Variants in ZNF354C observed in about 807,000 individuals in gnomAD.
ZNF354C encodes zinc finger protein 354C.
A neutral mutation model predicts 12.4 loss-of-function variants in ZNF354C; 7 were observed. The ratio of observed to expected loss-of-function variants is 0.56; its 90% CI spans 0.32 to 1.06. The LOEUF (loss-of-function observed/expected upper bound fraction) is 1.06, where lower values mean the gene tolerates loss of function less well. Ranked by LOEUF, ZNF354C falls within the 50% of genes least tolerant of loss-of-function variation. The pLI is 0.04. For missense variants in ZNF354C, 609 were observed against 658.0 expected (o/e 0.93, Z 0.81); for synonymous variants, 202 against 224.5 (o/e 0.90, Z 0.90).
At chr5:179,069,640 T>C (rs1000553549) in intron 2 of ZNF354C, among the ~76,000 whole-genome samples, 5 of 143,480 alleles carry the variant, frequency 3.5e-5, no homozygotes, top group African/African-American at 7.8e-5. Context: ...CCGAGGCGGG[T>C]GGCTCACGAG....
At position 179,082,712 on chromosome 5, in the gene ZNF354C, A is replaced by C; in HGVS notation, c.*2615A>C. On this transcript the variant is annotated 3_prime_UTR_variant, in exon 5 of 5. Transcript: ENST00000315475. ...CAGCTTGACGGATCTTTCTTTCTGCACCAAACCCCATTGAGTTATCTGGTC... is the reference window on the plus strand; with the variant it reads ...CAGCTTGACGGATCTTTCTTTCTGCCCCAAACCCCATTGAGTTATCTGGTC... 6.3e-7 allele frequency: 1 copy of C among 1,586,548 alleles called. No homozygotes were observed. Among genetic ancestry groups the C allele is most frequent in the African/African-American group, 1.4e-5 (1 of 73,936 alleles).
chr5:179,080,161 A>T lies in ZNF354C; in HGVS notation c.*64A>T. ...TAAGGGAATAATAAATAGGGTACAA[A>T]CTCCTAATAGATTTGTCTTTTTTAC... On this transcript the variant is annotated 3_prime_UTR_variant, in exon 5 of 5. Transcript: ENST00000315475. 8.1e-7 allele frequency: 1 copy of T among 1,235,364 alleles called. No individual in the cohort carries two copies. The allele number at this position is 1,235,364 out of a possible 1,614,324, so 76.5% of individuals were successfully genotyped here. A position where few individuals can be genotyped will look rare whatever the true frequency, so the allele number is the denominator to read the frequency against.
intron 2 of ZNF354C, among the ~76,000 whole-genome samples, chr5:179,070,428 C>T (rs1017861725): frequency 2.0e-5 from 3 of 152,182 alleles, no homozygotes; most frequent in Non-Finnish European, 4.4e-5. Context: ...AAAGCAGTAG[C>T]TGTCTTGTGC....
intron 2 of ZNF354C, 108 bp from the exon 3 acceptor site, chr5:179,076,337 A>C (rs4701030): frequency 0.3 from 460,750 of 1,512,644 alleles, 71,259 homozygotes; most frequent in East Asian, 0.38. Flanking sequence ...AGTTGACGTG[A>C]ATTATTAGAA....
At position 179,077,421 on chromosome 5, in the gene ZNF354C, A is replaced by G. The variant is rs540882088; in HGVS notation, c.250+255A>G. 1.2e-4 allele frequency among the ~76,000 whole-genome samples: 18 copies of G among 152,342 alleles called. No homozygotes were observed. The South Asian group carries it at 3.1e-3, about 26-fold the overall frequency. On this transcript the variant is annotated intron_variant, in intron 4 of 4. Coordinates refer to ENST00000315475, the MANE Select transcript of ZNF354C (RefSeq NM_014594.3). ...AGAGAGTAGTTTAGAGTCACCTCGA[A>G]CTAAATCTTTTCACCCAGAATCAAA...
At chr5:179,063,771 C>A (rs1761923516) in intron 2 of ZNF354C, among the ~76,000 whole-genome samples, 1 of 152,210 alleles carries the variant, frequency 6.6e-6, no homozygotes, top group South Asian at 2.1e-4. Context: ...TTGATCCCAA[C>A]AAGACAGTCT....
chr5:179,077,330 A>G (rs1033480698), intron 4 of ZNF354C, among the ~76,000 whole-genome samples, 164 bp downstream of exon 4: 6 of 152,222 alleles, frequency 3.9e-5, no homozygotes, highest in African/African-American at 1.4e-4. Flanking sequence ...ACAATTACCT[A>G]ATTGCAGTTA....
chr5:179,082,724 T>C lies in ZNF354C; in HGVS notation c.*2627T>C. ...TCTTTCTTTCTGCACCAAACCCCAT[T>C]GAGTTATCTGGTCCCCTTGGCTGAC... On this transcript the variant is annotated 3_prime_UTR_variant, in exon 5 of 5. Coordinates refer to ENST00000315475, the MANE Select transcript of ZNF354C (RefSeq NM_014594.3). 1.3e-6 allele frequency: 2 copies of C among 1,551,278 alleles called. No homozygotes were observed. The highest frequency in any genetic ancestry group is 1.8e-6 in the Non-Finnish European group (2 of 1,125,084).
intron 2 of ZNF354C, among the ~76,000 whole-genome samples, chr5:179,068,639 T>C (rs80316659): frequency 4.7e-5 from 7 of 148,610 alleles, no homozygotes; most frequent in Non-Finnish European, 9.0e-5. Context: ...TTTTTTTTTT[T>C]CCTGGAAGTA....
At chr5:179,067,928 G>A (rs866443879) in intron 2 of ZNF354C, among the ~76,000 whole-genome samples, 3 of 152,168 alleles carry the variant, frequency 2.0e-5, no homozygotes, top group Admixed American at 6.5e-5. Flanking sequence ...GGGAAGCTAA[G>A]GTGGAGGAAT....
chr5:179,069,862 TCTC>T (rs1762025736), intron 2 of ZNF354C, among the ~76,000 whole-genome samples: 6 of 152,158 alleles, frequency 3.9e-5, no homozygotes, highest in Non-Finnish European at 8.8e-5. Flanking sequence ...CAAGACTCTG[TCTC>T]AAAAACAAAC....
intron 2 of ZNF354C, among the ~76,000 whole-genome samples, chr5:179,069,813 C>T (rs1233612626): frequency 3.3e-5 from 5 of 151,118 alleles, no homozygotes; most frequent in African/African-American, 1.2e-4. Context: ...TTGCAGTGAG[C>T]CGAGATTGCG....
In ZNF354C at chr5:179,079,999, C is replaced by T. The variant is rs1762201592; in HGVS notation, c.1567C>T (p.Leu523Phe). Residue 523 changes from leucine to phenylalanine, a missense_variant, in exon 5 of 5, where the codon CTC (leucine) becomes TTC (phenylalanine). Physicochemically the swap from Leu to Phe is conservative, Grantham distance 22. Coordinates refer to ENST00000315475, the MANE Select transcript of ZNF354C (RefSeq NM_014594.3). The surrounding 1 kb of genome is among the most constrained non-coding windows in gnomAD (Gnocchi z 4.2). ...CAAAAAAGTTCACACGAAAGAGAAACTCTATAAGTGGAAGGAATATGGGAA... is the reference window on the plus strand; with the variant it reads ...CAAAAAAGTTCACACGAAAGAGAAATTCTATAAGTGGAAGGAATATGGGAA... ...RHKKVHTKEK[L>F]YKWKEYGKPF... 3.7e-6 allele frequency: 6 copies of T among 1,613,960 alleles called. No individual in the cohort carries two copies. The highest frequency in any genetic ancestry group is 5.1e-6 in the Non-Finnish European group (6 of 1,179,932).
chr5:179,079,612 AC>A lies in ZNF354C; in HGVS notation c.1181del (p.Thr394AsnfsTer4). On this transcript the variant is annotated frameshift_variant, in exon 5 of 5. Coordinates refer to ENST00000315475, the MANE Select transcript of ZNF354C (RefSeq NM_014594.3). LOFTEE classifies it low-confidence loss of function (END_TRUNC). This position sits in a 1 kb window ranked among gnomAD's most constrained non-coding sequence, Gnocchi z 4.2. ...ATGCTTGGAATGTGGGAGAACCTTC[AC>A]ACGTATTGTAACCCTTATCGAACAT... is the stretch of plus-strand genomic sequence containing the variant. Reference protein sequence around the residue: ...YTCLECGRTFTRIVTLIEHQR... With the variant: ...YTCLECGRTFXRIVTLIEHQR... The A allele has an allele frequency of 6.2e-7, 1 of 1,614,194 alleles. No homozygotes were observed. Among genetic ancestry groups the A allele is most frequent in the Non-Finnish European group, 8.5e-7 (1 of 1,180,024 alleles).
intron 2 of ZNF354C, among the ~76,000 whole-genome samples, chr5:179,070,918 G>A (rs1312759342): frequency 7.2e-6 from 1 of 138,394 alleles, no homozygotes; most frequent in African/African-American, 2.8e-5. Flanking sequence ...GTGCGATCTC[G>A]GCTCACTGCA....
At chr5:179,069,579 AGAAAG>A in intron 2 of ZNF354C, among the ~76,000 whole-genome samples, 1 of 149,562 alleles carries the variant, frequency 6.7e-6, no homozygotes, top group East Asian at 2.0e-4. Flanking sequence ...AAAAAAAAAA[AGAAAG>A]GCCGGGCACG....
intron 2 of ZNF354C, among the ~76,000 whole-genome samples, chr5:179,073,073 T>C (rs1446124206): frequency 2.0e-5 from 3 of 152,104 alleles, no homozygotes; most frequent in South Asian, 2.1e-4. Context: ...AATCAATATT[T>C]GAATGACCGC....
chr5:179,063,892 A>ACAGCAG (rs1224870230), intron 2 of ZNF354C, among the ~76,000 whole-genome samples: 1 of 152,244 alleles, frequency 6.6e-6, no homozygotes, highest in Non-Finnish European at 1.5e-5. Flanking sequence ...AGTATCAGTA[A>ACAGCAG]CAGCAGCAGC....
In ZNF354C at chr5:179,062,024, GTCCACACTCTGCTC is replaced by G; in HGVS notation, c.-41_-28del. The G allele has an allele frequency of 6.2e-7, 1 of 1,611,978 alleles. No homozygotes were observed. Among genetic ancestry groups the G allele is most frequent in the Non-Finnish European group, 8.5e-7 (1 of 1,178,634 alleles). ...CCTTTTTCCTCTGCAGACCCACCGT[GTCCACACTCTGCTC>G]TCCCTGGGCAGGAAGACTGAGGAGG... On this transcript the variant is annotated 5_prime_UTR_variant, in exon 2 of 5. Coordinates refer to ENST00000315475, the MANE Select transcript of ZNF354C (RefSeq NM_014594.3).
Sources: allele counts gnomAD v4.1 joint callset (sites outside exome capture counted in the v4.1 genomes callset), GRCh38; gene constraint gnomAD v4.1.1; non-coding constraint Gnocchi (gnomAD v3.1); transcripts MANE v1.5; gene names NCBI Gene and HGNC (gene_info 2026-07-23, HGNC 2026-07-21).